DOK5: variants seen among roughly 807,000 people sequenced by gnomAD.
The protein encoded by DOK5 is docking protein 5.
Under a neutral mutation model 43.3 loss-of-function variants are expected in DOK5, and 27 were observed. That is an observed-to-expected ratio of 0.62 (90% CI 0.46 to 0.86). The LOEUF is 0.86. Among genes scored for constraint, DOK5 ranks in the 40% least tolerant of loss-of-function variants. The probability of loss-of-function intolerance (pLI) is 0.00; values close to 1 mark genes in which losing one functional copy is unlikely to be tolerated. For missense variants in DOK5, 373 were observed against 392.9 expected (o/e 0.95, Z 0.43); for synonymous variants, 146 against 140.1 (o/e 1.04, Z -0.30).
chr20:54,518,571 G>A (rs1232655090), intron 1 of DOK5, among the ~76,000 whole-genome samples: 1 of 152,130 alleles, frequency 6.6e-6, no homozygotes, highest in Non-Finnish European at 1.5e-5. Flanking sequence ...TGTGAATAGT[G>A]CCGCAATAAA....
At chr20:54,555,807 T>G (rs1984691436) in intron 2 of DOK5, among the ~76,000 whole-genome samples, 1 of 152,238 alleles carries the variant, frequency 6.6e-6, no homozygotes, top group South Asian at 2.1e-4. Flanking sequence ...TAATTTTGGC[T>G]TTCCATCTTG....
chr20:54,577,032 A>G (rs538030048), intron 2 of DOK5, among the ~76,000 whole-genome samples: 2 of 152,300 alleles, frequency 1.3e-5, no homozygotes, highest in South Asian at 4.1e-4. Context: ...ATTCATTCAT[A>G]TGTTATTATT....
At chr20:54,484,378 T>TAAAAAAAAAAA (rs1981843195) in intron 1 of DOK5, among the ~76,000 whole-genome samples, 2 of 143,150 alleles carry the variant, frequency 1.4e-5, no homozygotes, top group African/African-American at 5.8e-5. Context: ...AGACTTCATC[T>TAAAAAAAAAAA]CAAAAAAAAA....
At chr20:54,541,072 A>G (rs1037282440) in intron 1 of DOK5, among the ~76,000 whole-genome samples, 2 of 152,228 alleles carry the variant, frequency 1.3e-5, no homozygotes, top group African/African-American at 4.8e-5. Context: ...GTCCTTTTCC[A>G]GGCTTTCTCA....
At chr20:54,546,306 GA>G (rs1187014451) in intron 1 of DOK5, among the ~76,000 whole-genome samples, 1 of 152,164 alleles carries the variant, frequency 6.6e-6, no homozygotes, top group Non-Finnish European at 1.5e-5. Context: ...TCCTGCTTGA[GA>G]AAAATATTTG....
At chr20:54,522,092 A>G (rs1983418828) in intron 1 of DOK5, among the ~76,000 whole-genome samples, 1 of 152,200 alleles carries the variant, frequency 6.6e-6, no homozygotes, top group Admixed American at 6.5e-5. Context: ...TAGCACCCCA[A>G]GCAGTGCCTA....
At chr20:54,641,502 A>ATTT (rs1979111231) in intron 6 of DOK5, among the ~76,000 whole-genome samples, 1 of 150,786 alleles carries the variant, frequency 6.6e-6, no homozygotes, top group African/African-American at 2.4e-5. Context: ...GAAATTTTTA[A>ATTT]AAAAAAAATC....
At chr20:54,531,872 C>T (rs1249803970) in intron 1 of DOK5, among the ~76,000 whole-genome samples, 1 of 152,184 alleles carries the variant, frequency 6.6e-6, no homozygotes, top group African/African-American at 2.4e-5. Flanking sequence ...CTCTGCCCCT[C>T]ATAGAATTTA....
intron 6 of DOK5, among the ~76,000 whole-genome samples, chr20:54,639,854 A>C (rs568684687): frequency 1.1e-4 from 16 of 152,324 alleles, no homozygotes; most frequent in African/African-American, 3.8e-4. Flanking sequence ...AGACAAAAAC[A>C]CTTCTAATAT....
chr20:54,487,270 G>A (rs1981973827), intron 1 of DOK5, among the ~76,000 whole-genome samples: 1 of 152,110 alleles, frequency 6.6e-6, no homozygotes, highest in South Asian at 2.1e-4. Context: ...TGACTACTAG[G>A]TCTTTTCCTA....
chr20:54,632,075 C>T (rs1978598817), intron 6 of DOK5, among the ~76,000 whole-genome samples: 1 of 152,158 alleles, frequency 6.6e-6, no homozygotes, highest in African/African-American at 2.4e-5. Context: ...ACTACCAGAC[C>T]CAAAGATAGA....
At chr20:54,644,722 A>AAAAAAAC (rs1555839828) in intron 7 of DOK5, among the ~76,000 whole-genome samples, 1 of 146,568 alleles carries the variant, frequency 6.8e-6, no homozygotes, top group African/African-American at 2.5e-5. Context: ...AAAAAAAAAA[A>AAAAAAAC]AACAAAATTT....
Position 54,614,821 on chromosome 20 carries a change from TC to T in DOK5, c.735+4299del, listed in dbSNP as rs1986755640. ...ACGAGGGATTGTGAAAAGCTTAAAA[TC>T]AATGTACTTTAGTCAATCTCTGATT... is the stretch of plus-strand genomic sequence containing the variant. On this transcript the variant is annotated intron_variant, in intron 6 of 7. Transcript: ENST00000262593. 2.0e-5 allele frequency among the ~76,000 whole-genome samples: 3 copies of T among 152,300 alleles called. No homozygotes were observed. In the South Asian group the frequency reaches 6.2e-4, roughly 32 times the overall value.
intron 5 of DOK5, among the ~76,000 whole-genome samples, chr20:54,595,445 G>T (rs1464407364): frequency 6.6e-6 from 1 of 152,168 alleles, no homozygotes; most frequent in African/African-American, 2.4e-5. Flanking sequence ...TGAAACAATG[G>T]TGGATGAAAA....
chr20:54,566,606 A>G (rs1433653231), intron 2 of DOK5, among the ~76,000 whole-genome samples: 3 of 151,984 alleles, frequency 2.0e-5, no homozygotes, highest in African/African-American at 7.3e-5. Flanking sequence ...TGGTGTCACT[A>G]TTTTTATTTT....
At position 54,650,380 on chromosome 20, in the gene DOK5, A is replaced by C. The variant is rs368274278; in HGVS notation, c.857-35A>C. On this transcript the variant is annotated intron_variant, in intron 7 of 7. Coordinates refer to ENST00000262593, the MANE Select transcript of DOK5 (RefSeq NM_018431.5). Reference sequence around the variant, plus strand: ...TAATTTGATTGTGGGCTTTCTTGAAATGTAACTGTTGATTTTAAATTCTTT... The same window carrying C: ...TAATTTGATTGTGGGCTTTCTTGAACTGTAACTGTTGATTTTAAATTCTTT... The C allele has an allele frequency of 1.6e-4, 256 of 1,606,478 alleles. 1 individual carries two copies. In the African/African-American group the frequency reaches 1.8e-3, roughly 11 times the overall value.
intron 7 of DOK5, among the ~76,000 whole-genome samples, chr20:54,649,543 G>A (rs979914316): frequency 6.6e-6 from 1 of 151,858 alleles, no homozygotes; most frequent in Non-Finnish European, 1.5e-5. Context: ...CCAAGGCTGC[G>A]GAAGTTTGTT....
intron 5 of DOK5, among the ~76,000 whole-genome samples, chr20:54,609,877 C>T (rs1332290265): frequency 6.6e-6 from 1 of 152,042 alleles, no homozygotes; most frequent in Admixed American, 6.6e-5. Flanking sequence ...TGAATGAAAG[C>T]TGGAGTAATA....
chr20:54,572,110 T>G (rs1039306648), intron 2 of DOK5, among the ~76,000 whole-genome samples: 10 of 152,180 alleles, frequency 6.6e-5, no homozygotes, highest in African/African-American at 2.4e-4. Context: ...TGAATTACTG[T>G]CTCAGTTATT....
Sources: gnomAD v4.1 joint callset for allele counts (sites outside exome capture counted in the v4.1 genomes callset) on GRCh38, gnomAD v4.1.1 for gene constraint, MANE v1.5 for transcripts, NCBI Gene and HGNC (gene_info 2026-07-23, HGNC 2026-07-21) for gene names.